The following TRPC5 variants were observed in gnomAD, a reference collection of about 807,000 sequenced individuals.
TRPC5 encodes the protein short transient receptor potential channel 5.
TRPC5 carries 9 observed loss-of-function variants against 56.5 expected under a neutral mutation model. That is an observed-to-expected ratio of 0.16 (90% confidence interval 0.10 to 0.28). The LOEUF is 0.28. Among genes scored for constraint, TRPC5 ranks in the 10% least tolerant of loss-of-function variants. TRPC5 has a pLI of 1.00. For synonymous variants in TRPC5, 282 were observed against 278.5 expected, an observed-to-expected ratio of 1.01 and a Z score of -0.13; for missense variants, 469 against 748.9, an observed-to-expected ratio of 0.63 and a Z score of 4.36.
At chrX:111,943,866 C>T (rs1926849141) in intron 2 of TRPC5, among the ~76,000 whole-genome samples, 1 of 112,177 alleles carries the variant, frequency 8.9e-6, no homozygotes, top group African/African-American at 3.2e-5. Flanking sequence ...TCCTCTCACT[C>T]CACTGGTGGT....
At chrX:111,779,197 C>T (rs1206325583) in intron 9 of TRPC5, 123 bp from the exon 10 acceptor site, 5 of 397,442 alleles carry the variant, frequency 1.3e-5, no homozygotes, top group African/African-American at 2.6e-5. Flanking sequence ...CTCATAGGAT[C>T]CAGCCTTTTA....
At chrX:111,840,742 C>T (rs751437139) in intron 6 of TRPC5, among the ~76,000 whole-genome samples, 1 of 111,939 alleles carries the variant, frequency 8.9e-6, no homozygotes, top group South Asian at 3.8e-4. Context: ...AACTGTATCA[C>T]CTAAGATACT....
In TRPC5 at chrX:111,958,841, C is replaced by T. The variant is rs757922224; in HGVS notation, c.-21-6400G>A. Among the ~76,000 whole-genome samples the T allele has an allele frequency of 5.3e-5, 6 of 112,309 alleles. No individual in the cohort carries two copies. In the East Asian group the frequency reaches 1.7e-3, roughly 31 times the overall value. ...AGTGACTTGTTACATACAAGTGATG[C>T]TCAATAAAATTAACATCCAATTTCT... On this transcript the variant is annotated intron_variant, in intron 1 of 10. Transcript: ENST00000262839.
At position 111,993,076 on chromosome X, in the gene TRPC5, G is replaced by A. The variant is rs1437481877; in HGVS notation, c.-21-40635C>T. 9.0e-5 allele frequency among the ~76,000 whole-genome samples: 5 copies of A among 55,347 alleles called. No homozygotes were observed. In the Admixed American group the frequency reaches 1.5e-3, roughly 17 times the overall value. The allele number at this position is 55,347 out of a possible 115,157, so 48.1% of individuals were successfully genotyped here. On this transcript the variant is annotated intron_variant, in intron 1 of 10. Transcript: ENST00000262839. ...AGCCCCCCACCCCCTGACAGGCCCC[G>A]GCGTGTGATGTTCCATGCCCTGTGT... is the stretch of plus-strand genomic sequence containing the variant.
chrX:111,820,976 G>A (rs187406833), intron 7 of TRPC5, among the ~76,000 whole-genome samples: 64 of 111,349 alleles, frequency 5.7e-4, no homozygotes, highest in Non-Finnish European at 3.8e-4. Context: ...TATCCATTGG[G>A]CAATGGAAAC....
intron 1 of TRPC5, among the ~76,000 whole-genome samples, chrX:111,974,728 T>A (rs906438544): frequency 4.7e-4 from 52 of 111,171 alleles, no homozygotes; most frequent in Non-Finnish European, 5.5e-4. Context: ...GAGCTGTGAC[T>A]ATATGAGCTG....
intron 1 of TRPC5, among the ~76,000 whole-genome samples, chrX:112,070,070 G>C (rs1423395472): frequency 3.6e-5 from 4 of 111,951 alleles, no homozygotes; most frequent in Non-Finnish European, 7.5e-5. Flanking sequence ...TGGGGAGGCT[G>C]TGCCATTGTG....
At chrX:112,006,953 A>C (rs140008716) in intron 1 of TRPC5, among the ~76,000 whole-genome samples, 1,755 of 111,385 alleles carry the variant, frequency 0.016, 30 homozygotes, top group African/African-American at 0.054. Flanking sequence ...GCATTAAACC[A>C]AGTGTGAGTA....
chrX:111,867,369 T>G (rs1923576798), intron 3 of TRPC5, among the ~76,000 whole-genome samples: 1 of 112,132 alleles, frequency 8.9e-6, no homozygotes, highest in Non-Finnish European at 1.9e-5. Flanking sequence ...TCTTAGAGCA[T>G]TCAGAGATGG....
intron 5 of TRPC5, among the ~76,000 whole-genome samples, chrX:111,848,619 G>C (rs1021693546): frequency 1.8e-5 from 2 of 112,107 alleles, no homozygotes; most frequent in African/African-American, 3.2e-5. Flanking sequence ...TATATTGTTA[G>C]CATTTCTAAA....
At chrX:112,011,441 C>T (rs1341381004) in intron 1 of TRPC5, among the ~76,000 whole-genome samples, 1 of 111,986 alleles carries the variant, frequency 8.9e-6, no homozygotes, top group Admixed American at 9.5e-5. Context: ...TTTGCTGCCT[C>T]TTATCAGCTG....
intron 1 of TRPC5, among the ~76,000 whole-genome samples, chrX:112,049,864 G>T (rs1453276185): frequency 8.9e-6 from 1 of 111,745 alleles, no homozygotes; most frequent in African/African-American, 3.3e-5. Context: ...TCTCAGAGAT[G>T]CACAATGTAC....
At chrX:111,853,222 G>A (rs1923133607) in intron 4 of TRPC5, among the ~76,000 whole-genome samples, 1 of 111,548 alleles carries the variant, frequency 9.0e-6, no homozygotes, top group African/African-American at 3.3e-5. Context: ...AGATGGCCAT[G>A]TGTTGAAGAG....
At chrX:111,787,792 C>G (rs1945980801) in intron 7 of TRPC5, among the ~76,000 whole-genome samples, 1 of 111,787 alleles carries the variant, frequency 8.9e-6, no homozygotes, top group Non-Finnish European at 1.9e-5. Context: ...CACCTCTACA[C>G]AAATAACCTA....
At chrX:111,862,475 G>T (rs1194383798) in intron 3 of TRPC5, among the ~76,000 whole-genome samples, 1 of 112,244 alleles carries the variant, frequency 8.9e-6, no homozygotes, top group Non-Finnish European at 1.9e-5. Context: ...AAGCTACATA[G>T]ATACTAATCT....
At chrX:111,789,120 A>C (rs916557382) in intron 7 of TRPC5, among the ~76,000 whole-genome samples, 22 of 112,084 alleles carry the variant, frequency 2.0e-4, no homozygotes, top group Admixed American at 8.5e-4. Flanking sequence ...AATCCTAAGC[A>C]AAAAGAACAA....
chrX:111,945,490 C>T (rs181713382), intron 2 of TRPC5, among the ~76,000 whole-genome samples: 47 of 109,943 alleles, frequency 4.3e-4, no homozygotes, highest in African/African-American at 1.3e-3. Context: ...CACATGTGTG[C>T]GCACACACAC....
At chrX:112,055,916 G>T (rs1053965051) in intron 1 of TRPC5, among the ~76,000 whole-genome samples, 1 of 110,103 alleles carries the variant, frequency 9.1e-6, no homozygotes, top group Non-Finnish European at 1.9e-5. Context: ...ACATTGAAAG[G>T]GCTTTTTCTG....
intron 2 of TRPC5, among the ~76,000 whole-genome samples, chrX:111,937,100 G>A (rs1267262704): frequency 0.017 from 1,764 of 104,370 alleles, 61 homozygotes; most frequent in African/African-American, 0.036. Flanking sequence ...GCCAGTGATG[G>A]AGAGCATTTT....
Sources: allele counts gnomAD v4.1 joint callset (sites outside exome capture counted in the v4.1 genomes callset), GRCh38; gene constraint gnomAD v4.1.1; transcripts MANE v1.5; gene names NCBI Gene and HGNC (gene_info 2026-07-23, HGNC 2026-07-21).